Variants in KCNH7 observed in about 807,000 individuals in gnomAD.
KCNH7 encodes voltage-gated inwardly rectifying potassium channel KCNH7.
A neutral mutation model predicts 120.8 loss-of-function variants in KCNH7; 49 were observed. That is an observed-to-expected ratio of 0.41 (90% CI 0.32 to 0.51). KCNH7 has a LOEUF of 0.51. Ranked by LOEUF, KCNH7 falls within the 20% of genes least tolerant of loss-of-function variation. The pLI, the probability that KCNH7 is intolerant of heterozygous loss-of-function variation, is 0.38. For missense variants in KCNH7, 1,097 were observed against 1,446.6 expected (o/e 0.76, Z 3.92); for synonymous variants, 547 against 516.1 (o/e 1.06, Z -0.81).
chr2:162,450,597 A>C (rs989286789), intron 6 of KCNH7, among the ~76,000 whole-genome samples: 2 of 152,072 alleles, frequency 1.3e-5, no homozygotes, highest in South Asian at 4.1e-4. Context: ...CATCTTAATG[A>C]TTCAGAAGAT....
chr2:162,399,907 C>T (rs912160526), intron 10 of KCNH7, among the ~76,000 whole-genome samples: 2 of 151,858 alleles, frequency 1.3e-5, no homozygotes, highest in South Asian at 4.1e-4. Flanking sequence ...AATATGCTTA[C>T]TATTTTCCTA....
intron 4 of KCNH7, among the ~76,000 whole-genome samples, chr2:162,513,426 TTTCCTTCC>T (rs573753682): frequency 1.1e-4 from 10 of 89,556 alleles, no homozygotes; most frequent in Admixed American, 4.0e-4. Context: ...TCCCTCCTTC[TTTCCTTCC>T]TTCCTTCCTT....
At chr2:162,605,958 T>A (rs563039595) in intron 2 of KCNH7, among the ~76,000 whole-genome samples, 57 of 152,252 alleles carry the variant, frequency 3.7e-4, no homozygotes, top group African/African-American at 1.3e-3. Flanking sequence ...TATTTAATAT[T>A]TACTCCAATA....
chr2:162,470,563 CCGGGAGGGAGG>C, intron 6 of KCNH7, among the ~76,000 whole-genome samples: 2 of 152,002 alleles, frequency 1.3e-5, no homozygotes, highest in African/African-American at 2.4e-5. Context: ...GCCACCCCGT[CCGGGAGGGAGG>C]TGGGGGTCAG....
intron 2 of KCNH7, among the ~76,000 whole-genome samples, chr2:162,829,725 TAATAA>T (rs1685405663): frequency 6.6e-6 from 1 of 152,074 alleles, no homozygotes; most frequent in Non-Finnish European, 1.5e-5. Flanking sequence ...ATATAGCCAT[TAATAA>T]AATTATGGTA....
intron 6 of KCNH7, among the ~76,000 whole-genome samples, chr2:162,461,694 G>C (rs918505331): frequency 1.3e-5 from 2 of 152,060 alleles, no homozygotes; most frequent in African/African-American, 4.8e-5. Context: ...TATATCTATT[G>C]GTTTTTGGGC....
chr2:162,443,015 T>C (rs1031648132), intron 7 of KCNH7, among the ~76,000 whole-genome samples: 2 of 152,228 alleles, frequency 1.3e-5, no homozygotes, highest in Non-Finnish European at 2.9e-5. Flanking sequence ...CTGGGATTCC[T>C]CTTTATCCCA....
intron 2 of KCNH7, among the ~76,000 whole-genome samples, chr2:162,707,283 A>C (rs758711179): frequency 5.3e-5 from 8 of 152,128 alleles, no homozygotes; most frequent in Non-Finnish European, 1.0e-4. Context: ...ATTTTAATAA[A>C]AGGTAAAAAG....
chr2:162,792,971 C>T (rs183785649), intron 2 of KCNH7, among the ~76,000 whole-genome samples: 54 of 151,708 alleles, frequency 3.6e-4, no homozygotes, highest in African/African-American at 1.2e-3. Flanking sequence ...TATAAATTTC[C>T]CTCTTAATAC....
intron 2 of KCNH7, among the ~76,000 whole-genome samples, chr2:162,581,071 A>G (rs1693850540): frequency 6.6e-6 from 1 of 152,040 alleles, no homozygotes; most frequent in African/African-American, 2.4e-5. Flanking sequence ...CGATTTTCCA[A>G]AGTTTTGAAG....
At chr2:162,823,887 A>T (rs1685197387) in intron 2 of KCNH7, among the ~76,000 whole-genome samples, 2 of 150,200 alleles carry the variant, frequency 1.3e-5, no homozygotes, top group African/African-American at 4.8e-5. Flanking sequence ...GAAAATTTAG[A>T]TGTTACCAGT....
At chr2:162,827,286 T>A (rs1231200026) in intron 2 of KCNH7, among the ~76,000 whole-genome samples, 1 of 152,072 alleles carries the variant, frequency 6.6e-6, no homozygotes, top group Non-Finnish European at 1.5e-5. Flanking sequence ...AAGGACACCA[T>A]GTATGTCCCT....
chr2:162,462,425 G>A (rs2105609188), intron 6 of KCNH7, among the ~76,000 whole-genome samples: 1 of 151,900 alleles, frequency 6.6e-6, no homozygotes, highest in East Asian at 1.9e-4. Context: ...CCTACAAGAA[G>A]TTAAAAATCC....
At chr2:162,384,012 T>C (rs929253466) in intron 13 of KCNH7, among the ~76,000 whole-genome samples, 5 of 151,860 alleles carry the variant, frequency 3.3e-5, no homozygotes, top group Non-Finnish European at 7.4e-5. Context: ...ATCTAGCCTC[T>C]GGTATGCTAA....
intron 2 of KCNH7, among the ~76,000 whole-genome samples, chr2:162,681,079 T>C (rs1050457597): frequency 3.9e-4 from 59 of 151,970 alleles, no homozygotes; most frequent in African/African-American, 1.4e-3. Context: ...CCTAGGATTA[T>C]GGGAAAGTTT....
chr2:162,826,396 T>C (rs1163255962), intron 2 of KCNH7, among the ~76,000 whole-genome samples: 1 of 152,130 alleles, frequency 6.6e-6, no homozygotes, highest in Non-Finnish European at 1.5e-5. Flanking sequence ...TGTGTTGGCA[T>C]CAGGGATCTA....
chr2:162,629,073 A>G (rs1683664856), intron 2 of KCNH7, among the ~76,000 whole-genome samples: 1 of 152,056 alleles, frequency 6.6e-6, no homozygotes, highest in Non-Finnish European at 1.5e-5. Context: ...GTTTTCTGTA[A>G]AGCCAGGAAC....
intron 2 of KCNH7, among the ~76,000 whole-genome samples, chr2:162,664,041 C>A (rs989985052): frequency 5.3e-5 from 8 of 152,152 alleles, no homozygotes; most frequent in Non-Finnish European, 1.2e-4. Flanking sequence ...GCATTCTCTG[C>A]AAATTCTCCA....
At chr2:162,814,431 G>T (rs185423714) in intron 2 of KCNH7, among the ~76,000 whole-genome samples, 5 of 152,244 alleles carry the variant, frequency 3.3e-5, no homozygotes, top group African/African-American at 1.2e-4. Flanking sequence ...AATGAGACAA[G>T]GTGTGGAAGG....
Sources: allele counts gnomAD v4.1 joint callset (sites outside exome capture counted in the v4.1 genomes callset), GRCh38; gene constraint gnomAD v4.1.1; transcripts MANE v1.5; gene names NCBI Gene and HGNC (gene_info 2026-07-23, HGNC 2026-07-21).